The following BTBD7 variants were observed in gnomAD, a reference collection of about 807,000 sequenced individuals.
The protein encoded by BTBD7 is BTB/POZ domain-containing protein 7.
A neutral mutation model predicts 99.9 loss-of-function variants in BTBD7; 38 were observed. The observed-to-expected ratio is 0.38, with a 90% confidence interval of 0.29 to 0.50. BTBD7 has a LOEUF of 0.50. Among genes scored for constraint, BTBD7 ranks in the 20% least tolerant of loss-of-function variants. The pLI is 0.93. For missense variants in BTBD7, 1,170 were observed against 1,394.6 expected, an observed-to-expected ratio of 0.84 and a Z score of 2.57; for synonymous variants, 520 against 511.4, an observed-to-expected ratio of 1.02 and a Z score of -0.23.
At chr14:93,276,356 C>G (rs1468001409) in intron 3 of BTBD7, among the ~76,000 whole-genome samples, 1 of 152,162 alleles carries the variant, frequency 6.6e-6, no homozygotes, top group Non-Finnish European at 1.5e-5. Flanking sequence ...TCTGGATTAT[C>G]TATCTGGAAG....
At chr14:93,320,926 A>C (rs7160763) in intron 1 of BTBD7, among the ~76,000 whole-genome samples, 11,940 of 152,222 alleles carry the variant, frequency 0.078, 1,005 homozygotes, top group African/African-American at 0.21. Flanking sequence ...AAACTAATTA[A>C]AAATGATCTA....
chr14:93,323,327 C>G (rs169523), intron 1 of BTBD7, among the ~76,000 whole-genome samples: 130,750 of 152,220 alleles, frequency 0.86, 56,671 homozygotes, highest in East Asian at 1. Context: ...GAAATATATA[C>G]AGTTAGTAAA....
chr14:93,261,554 C>A, intron 5 of BTBD7, 48 bp downstream of exon 5: 1 of 1,428,176 alleles, frequency 7.0e-7, no homozygotes, highest in South Asian at 1.2e-5. Flanking sequence ...ATAAGAACCA[C>A]CAAATTTTAC....
chr14:93,291,873 A>T (rs1409327602), intron 3 of BTBD7, among the ~76,000 whole-genome samples: 1 of 152,046 alleles, frequency 6.6e-6, no homozygotes, highest in African/African-American at 2.4e-5. Flanking sequence ...CTGGCTGACA[A>T]TTTTACTTTG....
At chr14:93,269,872 G>A (rs1279459460) in intron 3 of BTBD7, among the ~76,000 whole-genome samples, 1 of 152,132 alleles carries the variant, frequency 6.6e-6, no homozygotes, top group Non-Finnish European at 1.5e-5. Flanking sequence ...ATTGGTCCCA[G>A]GAGGAGAATG....
rs997321898 is a variant in BTBD7 at position 93,240,230 on chromosome 14, A to G, written c.*2043T>C. ...CCAGTGTCACCGAGCGCACCCGCAC[A>G]GCAGCTAACCAGTCAGGCAGCAGAA... is the stretch of plus-strand genomic sequence containing the variant. On this transcript the variant is annotated 3_prime_UTR_variant, in exon 11 of 11. Coordinates refer to ENST00000334746, the MANE Select transcript of BTBD7 (RefSeq NM_001002860.4). 1 of 152,718 alleles carries G rather than the reference A, an allele frequency of 6.5e-6. No homozygotes were observed. Among genetic ancestry groups the G allele is most frequent in the African/African-American group, 2.4e-5 (1 of 41,472 alleles). 9.5% of individuals were successfully genotyped at this position (152,718 alleles called of 1,614,324 possible).
chr14:93,273,950 C>A (rs1402872166), intron 3 of BTBD7, among the ~76,000 whole-genome samples: 1 of 152,192 alleles, frequency 6.6e-6, no homozygotes, highest in Non-Finnish European at 1.5e-5. Context: ...TGTGGCTATA[C>A]AACAGCAGTT....
rs1281281347 is a variant in BTBD7, at chr14:93,278,413, T to C, written c.1163-14420A>G. On this transcript the variant is annotated intron_variant, in intron 3 of 10. Coordinates refer to ENST00000334746, the MANE Select transcript of BTBD7 (RefSeq NM_001002860.4). ...TGGGCAACAAGGCTGAAACTCCATA[T>C]ATAAAAAAAAAGTTTTTCAGAAAAC... Among the ~76,000 whole-genome samples the C allele has an allele frequency of 3.3e-5, 5 of 152,084 alleles. No individual in the cohort carries two copies. The East Asian group carries it at 9.6e-4, about 29-fold the overall frequency.
intron 6 of BTBD7, among the ~76,000 whole-genome samples, chr14:93,254,898 TAACCAAAGTTCTA>T (rs1352387292): frequency 6.6e-6 from 1 of 152,226 alleles, no homozygotes; most frequent in African/African-American, 2.4e-5. Flanking sequence ...ATATATTTCC[TAACCAAAGTTCTA>T]AAATACTTTT....
Position 93,251,521 on chromosome 14 carries a change from G to A in BTBD7, c.1884C>T (p.His628=). ...TTGACTGGTTGCTGCTGATCTGCTG[G>A]TGGCTGATCATGTGACAACACTGTG... The part of the protein sequence containing the change: ...AVPQCCHMIS[H]QQISSNQSSP... Residue 628 remains histidine (H), a synonymous_variant, in exon 8 of 11, where the codon CAC becomes CAT. Transcript: ENST00000334746. The A allele has an allele frequency of 6.2e-7, 1 of 1,613,654 alleles. No homozygotes were observed. Among genetic ancestry groups the A allele is most frequent in the Non-Finnish European group, 8.5e-7 (1 of 1,179,642 alleles).
chr14:93,316,825 G>T (rs1031668566), intron 1 of BTBD7, among the ~76,000 whole-genome samples: 1 of 152,100 alleles, frequency 6.6e-6, no homozygotes, highest in African/African-American at 2.4e-5. Flanking sequence ...CTGAGAAAAT[G>T]CCCATGTAAC....
chr14:93,253,408 TA>T (rs2052390441), intron 7 of BTBD7, among the ~76,000 whole-genome samples: 1 of 152,228 alleles, frequency 6.6e-6, no homozygotes, highest in Admixed American at 6.5e-5. Context: ...GCAAGGCAAC[TA>T]AAATGAGAAA....
At chr14:93,284,060 C>CATT (rs10633468) in intron 3 of BTBD7, among the ~76,000 whole-genome samples, 29,857 of 152,018 alleles carry the variant, frequency 0.2, 4,353 homozygotes, top group African/African-American at 0.41. Context: ...ATTTAATTCT[C>CATT]ATTACTATAC....
intron 1 of BTBD7, among the ~76,000 whole-genome samples, chr14:93,299,025 T>A (rs1378526539): frequency 1.3e-5 from 2 of 152,182 alleles, no homozygotes; most frequent in Non-Finnish European, 2.9e-5. Context: ...GGGAACTCCC[T>A]TCAGGATGAA....
At chr14:93,318,044 T>C (rs562111588) in intron 1 of BTBD7, among the ~76,000 whole-genome samples, 2 of 152,362 alleles carry the variant, frequency 1.3e-5, no homozygotes, top group East Asian at 1.9e-4. Flanking sequence ...TTTCGCTTTG[T>C]ATTTTTTTTG....
Position 93,296,009 on chromosome 14 carries a change from T to C in BTBD7, c.43A>G (p.Arg15Gly). 1.9e-6 allele frequency: 3 copies of C among 1,614,088 alleles called. No homozygotes were observed. The highest frequency in any genetic ancestry group is 2.5e-6 in the Non-Finnish European group (3 of 1,179,994). The change falls in exon 2 of 11, where the codon AGG (arginine) becomes GGG (glycine). Residue 15 changes from arginine to glycine, a missense_variant. Physicochemically the swap from Arg to Gly is moderately radical, Grantham distance 125. Around this residue, in one of 4 missense-constraint regions of BTBD7, gnomAD observed 359 missense variants for 497.9 expected, o/e 0.72. Transcript: ENST00000334746. ...TGGGCCTGTGAATTTCCCCCTACCC[T>C]CGGGGAACATGAATGAGGATAATTA... ...ASNYPHSCSP[R>G]VGGNSQAQQT... is the part of the protein sequence containing the mutation.
chr14:93,246,757 T>C (rs1192535613), intron 9 of BTBD7, among the ~76,000 whole-genome samples: 1 of 152,242 alleles, frequency 6.6e-6, no homozygotes, highest in Non-Finnish European at 1.5e-5. Flanking sequence ...GACCAATATT[T>C]TGGTAAACAT....
intron 7 of BTBD7, among the ~76,000 whole-genome samples, chr14:93,252,477 C>G (rs1463406190): frequency 6.6e-6 from 1 of 151,098 alleles, no homozygotes; most frequent in East Asian, 2.0e-4. Flanking sequence ...TACTTCAAGC[C>G]TCCTGCATAG....
At chr14:93,285,623 G>A (rs2052768576) in intron 3 of BTBD7, among the ~76,000 whole-genome samples, 1 of 152,086 alleles carries the variant, frequency 6.6e-6, no homozygotes, top group Non-Finnish European at 1.5e-5. Flanking sequence ...CCTAAACAAT[G>A]AACTTTTCCT....
Sources: gnomAD v4.1 joint callset for allele counts (sites outside exome capture counted in the v4.1 genomes callset) on GRCh38, gnomAD v4.1.1 for gene constraint, gnomAD v4.1.1 regional missense constraint, MANE v1.5 for transcripts, NCBI Gene and HGNC (gene_info 2026-07-23, HGNC 2026-07-21) for gene names.